TCTN3: variants seen among roughly 807,000 people sequenced by gnomAD.
The protein encoded by TCTN3 is tectonic-3.
Under a neutral mutation model 71.3 loss-of-function variants are expected in TCTN3, and 57 were observed. The ratio of observed to expected loss-of-function variants is 0.80; its 90% confidence interval spans 0.65 to 1.00. The LOEUF (loss-of-function observed/expected upper bound fraction) is 1.00, where lower values mean the gene tolerates loss of function less well. TCTN3 is among the 50% of genes least tolerant of loss of function. TCTN3 has a pLI of 0.00. For synonymous variants in TCTN3, 258 were observed against 267.8 expected (o/e 0.96, Z 0.36); for missense variants, 696 against 719.9 (o/e 0.97, Z 0.38).
Position 95,684,483 on chromosome 10 carries a change from A to G in TCTN3, c.1095+16T>C. The G allele has an allele frequency of 1.2e-6, 2 of 1,612,140 alleles. No homozygotes were observed. The highest frequency in any genetic ancestry group is 1.7e-6 in the Non-Finnish European group (2 of 1,179,342). On this transcript the variant is annotated intron_variant, in intron 9 of 13. Coordinates refer to ENST00000371217, the MANE Select transcript of TCTN3 (RefSeq NM_015631.6). ...TTTCTTCCCCTCTAAATCCCCTATAAGAGAAGGGCCCTAACCCTGAAGCGA... is the reference window on the plus strand; with the variant it reads ...TTTCTTCCCCTCTAAATCCCCTATAGGAGAAGGGCCCTAACCCTGAAGCGA...
At chr10:95,689,914 T>C (rs576901956) in intron 3 of TCTN3, among the ~76,000 whole-genome samples, 13 of 152,308 alleles carry the variant, frequency 8.5e-5, no homozygotes, top group African/African-American at 2.9e-4. Context: ...TGGTGTTTTT[T>C]CCCCACTCCA....
chr10:95,682,650 C>T lies in TCTN3; in HGVS notation c.1452+1G>A, dbSNP rs372748191. On this transcript the variant is annotated splice_donor_variant, in intron 12 of 13. Transcript: ENST00000371217. LOFTEE classifies it high-confidence loss of function. ...ATCAGAAAGTATATTTCTCTCCTTACTGAAATGCTGCAGTGCCTGTTGAGG... is the reference window on the plus strand; with the variant it reads ...ATCAGAAAGTATATTTCTCTCCTTATTGAAATGCTGCAGTGCCTGTTGAGG... 6 of 1,610,008 alleles carry T rather than the reference C, an allele frequency of 3.7e-6. No homozygotes were observed. In the East Asian group the frequency reaches 1.1e-4, roughly 30 times the overall value.
At chr10:95,687,750 A>C in intron 3 of TCTN3, 31 bp from the exon 4 acceptor site, 1 of 1,590,348 alleles carries the variant, frequency 6.3e-7, no homozygotes, top group Non-Finnish European at 8.5e-7. Context: ...AAAAGCGTTT[A>C]GATAAAAGAA....
At chr10:95,687,809 T>C in intron 3 of TCTN3, 90 bp from the exon 4 acceptor site, 1 of 1,439,432 alleles carries the variant, frequency 6.9e-7, no homozygotes. Context: ...TGAAGCATAA[T>C]ATACAGGGTG....
chr10:95,693,702 C>A lies in TCTN3; in HGVS notation c.198G>T (p.Val66=), dbSNP rs1237516460. Residue 66 remains valine (V), a synonymous_variant, in exon 1 of 14, where the codon GTG becomes GTT. Coordinates refer to ENST00000371217, the MANE Select transcript of TCTN3 (RefSeq NM_015631.6). ...CCGAGGGAGTCACGAGAGTAGGGAC[C>A]ACTGTAGGGAGTCCAGGCACGGCCG... ...TRPAVPGLPT[V]VPTLVTPSAP... is the part of the protein sequence containing the mutation. 3 of 1,551,698 alleles carry A rather than the reference C, an allele frequency of 1.9e-6. No individual in the cohort carries two copies. Among genetic ancestry groups the A allele is most frequent in the Non-Finnish European group, 2.6e-6 (3 of 1,146,996 alleles).
chr10:95,693,137 C>G (rs2097955195), intron 2 of TCTN3, 99 bp from the exon 3 acceptor site: 4 of 1,202,754 alleles, frequency 3.3e-6, no homozygotes, highest in Non-Finnish European at 4.7e-6. Context: ...CCAAAGAGGA[C>G]TCCTTGGGCA....
intron 13 of TCTN3, among the ~76,000 whole-genome samples, chr10:95,678,664 CT>C (rs1589610071): frequency 6.6e-6 from 1 of 151,754 alleles, no homozygotes; most frequent in African/African-American, 2.4e-5. Flanking sequence ...TATCTGACTT[CT>C]GGAGAAAATT....
chr10:95,664,375 T>A, intron 13 of TCTN3, 75 bp from the exon 14 acceptor site: 2 of 1,228,766 alleles, frequency 1.6e-6, no homozygotes, highest in Non-Finnish European at 2.4e-6. Context: ...CTGTTATTAT[T>A]ACTTTCCCTG....
Position 95,687,285 on chromosome 10 carries a change from A to G in TCTN3, c.698T>C (p.Val233Ala). ...TTCAGCACAGAGTCCCCCAGCTCCA[A>G]CTCCTGCAGGTTGTCTCAGCAAGCT... ...VISLLRQPAG[V>A]GAGGLCAESN... is the part of the protein sequence containing the mutation. Residue 233 changes from valine (V) to alanine (A), a missense_variant, in exon 5 of 14, where the codon GTT (valine) becomes GCT (alanine). Val to Ala is a moderately conservative substitution (Grantham distance 64). Coordinates refer to ENST00000371217, the MANE Select transcript of TCTN3 (RefSeq NM_015631.6). 6.2e-7 allele frequency: 1 copy of G among 1,614,098 alleles called. No homozygotes were observed.
chr10:95,691,004 T>C (rs969670519), intron 3 of TCTN3, among the ~76,000 whole-genome samples: 4 of 152,164 alleles, frequency 2.6e-5, no homozygotes, highest in African/African-American at 9.7e-5. Context: ...CCTCAGGTGT[T>C]TAAAGAAAGT....
At chr10:95,676,395 G>C (rs2097937232) in intron 13 of TCTN3, among the ~76,000 whole-genome samples, 1 of 151,856 alleles carries the variant, frequency 6.6e-6, no homozygotes, top group South Asian at 2.1e-4. Context: ...GTAGAGACAG[G>C]GTTTCACCAT....
chr10:95,680,341 C>CTTGGAAGCA, intron 13 of TCTN3, 131 bp downstream of exon 13: 2 of 1,198,780 alleles, frequency 1.7e-6, no homozygotes, highest in Non-Finnish European at 2.3e-6. Flanking sequence ...TATGTCAGCT[C>CTTGGAAGCA]ACTTTAAACA....
At chr10:95,677,370 C>T (rs949924696) in intron 13 of TCTN3, among the ~76,000 whole-genome samples, 1 of 147,448 alleles carries the variant, frequency 6.8e-6, no homozygotes, top group Non-Finnish European at 1.5e-5. Flanking sequence ...TCAACACTTA[C>T]AAAAAACACT....
chr10:95,687,323 C>T lies in TCTN3; in HGVS notation c.660G>A (p.Lys220=). 6.2e-7 allele frequency: 1 copy of T among 1,614,022 alleles called. No individual in the cohort carries two copies. The highest frequency in any genetic ancestry group is 8.5e-7 in the Non-Finnish European group (1 of 1,179,982). Residue 220 remains lysine (K), a synonymous_variant, in exon 5 of 14, where the codon AAG becomes AAA. Transcript: ENST00000371217. The stretch of plus-strand genomic sequence containing the variant: ...GTCTCAGCAAGCTTATTACAGACCA[C>T]TTGGGGAAGTAAGTAAGAATGGGGT... ...AGDPILTYFP[K]WSVISLLRQP... is the part of the protein sequence containing the mutation.
chr10:95,670,213 A>G (rs748025894), intron 13 of TCTN3, among the ~76,000 whole-genome samples: 12 of 152,040 alleles, frequency 7.9e-5, no homozygotes, highest in Non-Finnish European at 1.2e-4. Context: ...TTTATTCTGC[A>G]TTTATTTTTA....
intron 3 of TCTN3, among the ~76,000 whole-genome samples, chr10:95,692,135 T>A (rs1282374577): frequency 6.6e-6 from 1 of 152,194 alleles, no homozygotes. Context: ...TGTGATTATC[T>A]GAGTTAAGAG....
rs767733835 is a variant in TCTN3 at position 95,680,596 on chromosome 10, G to A, written c.1466C>T (p.Thr489Ile). The change falls in exon 13 of 14, where the codon ACT becomes ATT. Residue 489 changes from threonine to isoleucine, a missense_variant. Coordinates refer to ENST00000371217, the MANE Select transcript of TCTN3 (RefSeq NM_015631.6). ...GGAAACTGGTATGAGACAGCAGGAAGTACAGTTTATAGCCTGCAGAAGGGT... is the reference window on the plus strand; with the variant it reads ...GGAAACTGGTATGAGACAGCAGGAAATACAGTTTATAGCCTGCAGAAGGGT... ...RHCSISAINC[T>I]SCCLIPVSLE... 1.1e-5 allele frequency: 18 copies of A among 1,613,848 alleles called. No individual in the cohort carries two copies. The highest frequency in any genetic ancestry group is 2.7e-5 in the African/African-American group (2 of 74,910).
In TCTN3 at chr10:95,664,285, T is replaced by C. The variant is rs1290852650; in HGVS notation, c.1606A>G (p.Thr536Ala). Residue 536 changes from threonine (T) to alanine (A), a missense_variant, in exon 14 of 14, where the codon ACA (threonine) becomes GCA (alanine). By Grantham distance (58) the Thr-to-Ala change is moderately conservative. Coordinates refer to ENST00000371217, the MANE Select transcript of TCTN3 (RefSeq NM_015631.6). ...ACAAGAGTTGTCAAAGATACTTCTG[T>C]AACTTGCTGAGAATCCTACGGGAAG... Reference protein sequence around the residue: ...CQSIQDSQQVTEVSLTTLVNF... With the variant: ...CQSIQDSQQVAEVSLTTLVNF... The C allele has an allele frequency of 5.6e-6, 9 of 1,613,974 alleles. 1 individual carries two copies. The Admixed American group carries it at 1.5e-4, about 27-fold the overall frequency.
intron 13 of TCTN3, among the ~76,000 whole-genome samples, chr10:95,679,583 C>CTTTTTTTTT (rs201828119): frequency 1.0e-5 from 1 of 96,448 alleles, no homozygotes; most frequent in Non-Finnish European, 2.2e-5. Context: ...CTAGTCATTT[C>CTTTTTTTTT]TTTTTTTTTT....
Sources: allele counts gnomAD v4.1 joint callset (sites outside exome capture counted in the v4.1 genomes callset), GRCh38; gene constraint gnomAD v4.1.1; transcripts MANE v1.5; gene names NCBI Gene and HGNC (gene_info 2026-07-23, HGNC 2026-07-21).